Variants in GRM8 observed in about 807,000 individuals in gnomAD.
The protein encoded by GRM8 is metabotropic glutamate receptor 8.
GRM8 carries 47 observed loss-of-function variants against 87.2 expected under a neutral mutation model. The ratio of observed to expected loss-of-function variants is 0.54; its 90% confidence interval spans 0.43 to 0.69. The LOEUF is 0.69. Ranked by LOEUF, GRM8 falls within the 30% of genes least tolerant of loss-of-function variation. The pLI, the probability that GRM8 is intolerant of heterozygous loss-of-function variation, is 0.00. For missense variants in GRM8, 1,019 were observed against 1,139.2 expected (o/e 0.89, Z 1.52); for synonymous variants, 396 against 404.5 (o/e 0.98, Z 0.25).
chr7:127,174,737 T>C (rs977866124), intron 2 of GRM8, among the ~76,000 whole-genome samples: 1 of 152,198 alleles, frequency 6.6e-6, no homozygotes, highest in Non-Finnish European at 1.5e-5. Flanking sequence ...CAAGAATGAC[T>C]ATTTCCTAAC....
At chr7:126,912,762 G>A (rs1189632515) in intron 3 of GRM8, among the ~76,000 whole-genome samples, 1 of 152,120 alleles carries the variant, frequency 6.6e-6, no homozygotes, top group Non-Finnish European at 1.5e-5. Context: ...TGTTAATAAT[G>A]TATAATTGAA....
At chr7:126,498,120 T>A (rs1012464311) in intron 9 of GRM8, among the ~76,000 whole-genome samples, 4 of 151,686 alleles carry the variant, frequency 2.6e-5, no homozygotes, top group African/African-American at 4.8e-5. Flanking sequence ...TGATGAGAGG[T>A]GGGGTCTGAA....
intron 8 of GRM8, among the ~76,000 whole-genome samples, chr7:126,577,058 A>G (rs1018929073): frequency 6.6e-6 from 1 of 152,204 alleles, no homozygotes; most frequent in African/African-American, 2.4e-5. Flanking sequence ...GGGAAATTTT[A>G]TCCATAACTC....
intron 2 of GRM8, among the ~76,000 whole-genome samples, chr7:127,235,208 A>G (rs183541977): frequency 4.7e-4 from 71 of 152,356 alleles, no homozygotes; most frequent in African/African-American, 1.6e-3. Context: ...TGTCTTCGGT[A>G]TTCACTTCAG....
intron 9 of GRM8, among the ~76,000 whole-genome samples, chr7:126,483,196 T>C (rs1806917949): frequency 6.7e-6 from 1 of 150,248 alleles, no homozygotes; most frequent in Non-Finnish European, 1.5e-5. Context: ...TCCTTCATCA[T>C]GATGCATTAA....
At chr7:126,471,074 T>C (rs1014618895) in intron 9 of GRM8, among the ~76,000 whole-genome samples, 14 of 152,182 alleles carry the variant, frequency 9.2e-5, no homozygotes, top group Non-Finnish European at 1.8e-4. Flanking sequence ...GAGTTCATTG[T>C]AGATTCTGGA....
chr7:126,744,528 A>G (rs774174937), intron 7 of GRM8, among the ~76,000 whole-genome samples: 1 of 152,072 alleles, frequency 6.6e-6, no homozygotes, highest in African/African-American at 2.4e-5. Context: ...AACATTTAAA[A>G]GAGATACATA....
intron 8 of GRM8, among the ~76,000 whole-genome samples, chr7:126,555,524 T>TACCTGC (rs74940463): frequency 0.13 from 19,476 of 152,212 alleles, 1,520 homozygotes; most frequent in South Asian, 0.17. Flanking sequence ...TTACCACAAA[T>TACCTGC]ACCTGCATTT....
At chr7:127,221,513 T>C (rs1349329670) in intron 2 of GRM8, among the ~76,000 whole-genome samples, 1 of 152,178 alleles carries the variant, frequency 6.6e-6, no homozygotes, top group Non-Finnish European at 1.5e-5. Context: ...GATGCAAAGA[T>C]ACAAAATTCC....
intron 3 of GRM8, among the ~76,000 whole-genome samples, chr7:127,099,979 G>A (rs143443996): frequency 6.0e-4 from 92 of 152,180 alleles, no homozygotes; most frequent in African/African-American, 2.1e-3. Flanking sequence ...ACAAGAAGAT[G>A]GTCATGTGAT....
At chr7:126,598,599 T>G (rs1562994117) in intron 8 of GRM8, among the ~76,000 whole-genome samples, 2 of 152,068 alleles carry the variant, frequency 1.3e-5, no homozygotes, top group Non-Finnish European at 2.9e-5. Context: ...TTCGAAATAT[T>G]TTATGAATTA....
intron 6 of GRM8, among the ~76,000 whole-genome samples, chr7:126,789,975 C>A (rs1821096690): frequency 6.6e-6 from 1 of 152,012 alleles, no homozygotes; most frequent in Non-Finnish European, 1.5e-5. Flanking sequence ...TTGCTTAATT[C>A]CAGAACTGGT....
chr7:126,481,964 TAATC>T (rs1451019384), intron 9 of GRM8, among the ~76,000 whole-genome samples: 1 of 151,998 alleles, frequency 6.6e-6, no homozygotes, highest in African/African-American at 2.4e-5. Context: ...GAAAAACAAA[TAATC>T]AAACAACTAT....
At chr7:126,498,563 T>C (rs1220886920) in intron 9 of GRM8, among the ~76,000 whole-genome samples, 1 of 152,078 alleles carries the variant, frequency 6.6e-6, no homozygotes, top group East Asian at 1.9e-4. Context: ...AAACACTCAC[T>C]CACACAGGAG....
intron 7 of GRM8, among the ~76,000 whole-genome samples, chr7:126,622,947 C>A (rs868328478): frequency 1.3e-5 from 2 of 152,128 alleles, no homozygotes; most frequent in African/African-American, 4.8e-5. Flanking sequence ...TTATCTGTAT[C>A]TCCACGTTAT....
chr7:126,620,293 C>G (rs1405161638), intron 7 of GRM8, among the ~76,000 whole-genome samples: 2 of 152,174 alleles, frequency 1.3e-5, no homozygotes, highest in Non-Finnish European at 2.9e-5. Context: ...TGTCTTAAAA[C>G]AAACTTTTCC....
At chr7:126,914,726 C>T (rs1803703496) in intron 3 of GRM8, among the ~76,000 whole-genome samples, 1 of 152,134 alleles carries the variant, frequency 6.6e-6, no homozygotes, top group Admixed American at 6.6e-5. Context: ...CTTGGCTACA[C>T]ACAGACATAA....
At chr7:126,679,189 A>T (rs1189835983) in intron 7 of GRM8, among the ~76,000 whole-genome samples, 1 of 152,228 alleles carries the variant, frequency 6.6e-6, no homozygotes, top group Non-Finnish European at 1.5e-5. Context: ...TTGTGGTCCA[A>T]TGGAGAATGC....
chr7:126,984,894 T>C (rs17868690), intron 3 of GRM8, among the ~76,000 whole-genome samples: 2 of 152,154 alleles, frequency 1.3e-5, no homozygotes, highest in African/African-American at 4.8e-5. Context: ...GTTCTGAAAA[T>C]GATTTTAGAC....
Sources: allele counts gnomAD v4.1 joint callset (sites outside exome capture counted in the v4.1 genomes callset), GRCh38; gene constraint gnomAD v4.1.1; transcripts MANE v1.5; gene names NCBI Gene and HGNC (gene_info 2026-07-23, HGNC 2026-07-21).